The following SHLD1 variants were observed in gnomAD, a reference collection of about 807,000 sequenced individuals.
SHLD1 encodes shieldin complex subunit 1.
Under a neutral mutation model 5.5 loss-of-function variants are expected in SHLD1, and 3 were observed. The ratio of observed to expected loss-of-function variants is 0.54; its 90% confidence interval spans 0.25 to 1.40. The LOEUF (loss-of-function observed/expected upper bound fraction) is 1.40. Among genes scored for constraint, SHLD1 ranks in the 40% most tolerant of loss-of-function variants. The pLI, the probability that SHLD1 is intolerant of heterozygous loss-of-function variation, is 0.15. For missense variants in SHLD1, 210 were observed against 244.4 expected (o/e 0.86, Z 0.94); for synonymous variants, 92 against 94.3 (o/e 0.98, Z 0.14).
At chr20:5,809,757 A>G (rs73073212) in intron 2 of SHLD1, among the ~76,000 whole-genome samples, 2,435 of 152,140 alleles carry the variant, frequency 0.016, 37 homozygotes, top group African/African-American at 0.029. Flanking sequence ...ATAGGATGCT[A>G]CTGACATATA....
Position 5,844,799 on chromosome 20 carries a change from A to ATATATATATTTT in SHLD1, c.179-18224_179-18223insATATATATTTTT, listed in dbSNP as rs1460082835. Among the ~76,000 whole-genome samples, 18 of 71,720 alleles carry ATATATATATTTT rather than the reference A, an allele frequency of 2.5e-4. No homozygotes were observed. The East Asian group carries it at 3.0e-3, about 12-fold the overall frequency. The allele number at this position is 71,720 out of a possible 152,430, so 47.1% of individuals were successfully genotyped here. A position where few individuals can be genotyped will look rare whatever the true frequency, so the allele number is the denominator to read the frequency against. On this transcript the variant is annotated intron_variant, in intron 2 of 2. Transcript: ENST00000303142. Reference sequence around the variant, plus strand: ...TATATATATATATATATATATATATATTTTTTTTTTTTTGAGACACAGTCT... The same window carrying ATATATATATTTT: ...TATATATATATATATATATATATATATATATATATTTTTTTTTTTTTTTTTGAGACACAGTCT...
intron 2 of SHLD1, among the ~76,000 whole-genome samples, chr20:5,790,969 G>A (rs935817303): frequency 4.0e-5 from 6 of 151,714 alleles, no homozygotes; most frequent in South Asian, 2.1e-4. Flanking sequence ...TTGAGACCAC[G>A]TTGGATGATA....
At chr20:5,818,080 T>TTTTTTTTAA (rs2087560789) in intron 2 of SHLD1, among the ~76,000 whole-genome samples, 2 of 151,196 alleles carry the variant, frequency 1.3e-5, no homozygotes, top group Non-Finnish European at 2.9e-5. Flanking sequence ...TTTTTCTTTC[T>TTTTTTTTAA]TTTTTTTATT....
chr20:5,832,522 C>G (rs117552491), intron 2 of SHLD1, among the ~76,000 whole-genome samples: 4,422 of 152,176 alleles, frequency 0.029, 118 homozygotes, highest in Admixed American at 0.067. Flanking sequence ...GGGTTGGTCT[C>G]AAACTCCTGG....
At position 5,844,627 on chromosome 20, in the gene SHLD1, C is replaced by T. The variant is rs544038325; in HGVS notation, c.179-18397C>T. ...CCTGCTGTGAGATGGGTAATGTTCA[C>T]TATGATTCATCCCTTCAACTCTAAT... On this transcript the variant is annotated intron_variant, in intron 2 of 2. Coordinates refer to ENST00000303142, the MANE Select transcript of SHLD1 (RefSeq NM_152504.4). Among the ~76,000 whole-genome samples, 5 of 152,142 alleles carry T rather than the reference C, an allele frequency of 3.3e-5. No homozygotes were observed. The South Asian group carries it at 1.0e-3, about 32-fold the overall frequency.
chr20:5,750,645 G>T (rs780977888), intron 1 of SHLD1, among the ~76,000 whole-genome samples, 166 bp downstream of exon 1: 1 of 152,122 alleles, frequency 6.6e-6, no homozygotes, highest in Non-Finnish European at 1.5e-5. Flanking sequence ...GGTGTCTGCA[G>T]CCTGTGCTTT....
At chr20:5,774,270 CATT>C (rs1985327887) in intron 2 of SHLD1, among the ~76,000 whole-genome samples, 1 of 152,092 alleles carries the variant, frequency 6.6e-6, no homozygotes, top group Admixed American at 6.6e-5. Context: ...AGAAAGAACT[CATT>C]GTGGGTACTA....
chr20:5,803,191 A>G (rs1450628752), intron 2 of SHLD1, among the ~76,000 whole-genome samples: 1 of 151,548 alleles, frequency 6.6e-6, no homozygotes, highest in Non-Finnish European at 1.5e-5. Flanking sequence ...TTTGAGACAA[A>G]GTTTTGCTCT....
chr20:5,800,987 G>T (rs2087285247), intron 2 of SHLD1, among the ~76,000 whole-genome samples: 1 of 151,756 alleles, frequency 6.6e-6, no homozygotes, highest in Admixed American at 6.6e-5. Flanking sequence ...AATTGAAGTT[G>T]TTTAAAAAAC....
At chr20:5,764,303 G>A (rs6053662) in intron 1 of SHLD1, among the ~76,000 whole-genome samples, 2,083 of 148,108 alleles carry the variant, frequency 0.014, 52 homozygotes, top group African/African-American at 0.05. Flanking sequence ...GCTAAAAAGT[G>A]ACAGCAGGGG....
At chr20:5,790,917 C>T (rs1686111495) in intron 2 of SHLD1, among the ~76,000 whole-genome samples, 1 of 152,154 alleles carries the variant, frequency 6.6e-6, no homozygotes, top group African/African-American at 2.4e-5. Context: ...ACTCCCAGCA[C>T]TTTGGGAGGC....
chr20:5,817,432 C>CTCTGTGTG (rs1473391202), intron 2 of SHLD1, among the ~76,000 whole-genome samples: 315 of 85,652 alleles, frequency 3.7e-3, no homozygotes, highest in Middle Eastern at 0.014. Flanking sequence ...CTCTCTCTCT[C>CTCTGTGTG]TGTGTGTGTG....
At chr20:5,829,968 A>G (rs2087708867) in intron 2 of SHLD1, among the ~76,000 whole-genome samples, 1 of 152,176 alleles carries the variant, frequency 6.6e-6, no homozygotes, top group South Asian at 2.1e-4. Context: ...GTCTTGGGTG[A>G]TAGAAGATCA....
At position 5,839,811 on chromosome 20, in the gene SHLD1, A is replaced by G. The variant is rs572435900; in HGVS notation, c.179-23213A>G. Reference sequence around the variant, plus strand: ...TTTAAGTATTCTTTTCATTTGTGCCATGGAACTAATGTGAGGAGCTGGCAG... The same window carrying G: ...TTTAAGTATTCTTTTCATTTGTGCCGTGGAACTAATGTGAGGAGCTGGCAG... On this transcript the variant is annotated intron_variant, in intron 2 of 2. Coordinates refer to ENST00000303142, the MANE Select transcript of SHLD1 (RefSeq NM_152504.4). Among the ~76,000 whole-genome samples, 4 of 152,194 alleles carry G rather than the reference A, an allele frequency of 2.6e-5. No homozygotes were observed. In the South Asian group the frequency reaches 8.3e-4, roughly 32 times the overall value.
intron 2 of SHLD1, among the ~76,000 whole-genome samples, chr20:5,811,793 C>G (rs1156910584): frequency 6.6e-6 from 1 of 151,778 alleles, no homozygotes; most frequent in African/African-American, 2.4e-5. Context: ...GAGGTCGAGG[C>G]TGCAGTGAGC....
intron 1 of SHLD1, among the ~76,000 whole-genome samples, chr20:5,772,546 A>T (rs1044985795): frequency 6.6e-6 from 1 of 152,208 alleles, no homozygotes; most frequent in Admixed American, 6.5e-5. Context: ...GATCAACTGA[A>T]ACTGCAGAGA....
chr20:5,848,583 GAAGA>G (rs1208963444), intron 2 of SHLD1, among the ~76,000 whole-genome samples: 4 of 152,190 alleles, frequency 2.6e-5, no homozygotes, highest in African/African-American at 9.7e-5. Context: ...TGTTTCATAA[GAAGA>G]AAGTTTTGAA....
At chr20:5,831,231 G>A (rs2087725507) in intron 2 of SHLD1, among the ~76,000 whole-genome samples, 1 of 152,144 alleles carries the variant, frequency 6.6e-6, no homozygotes, top group African/African-American at 2.4e-5. Flanking sequence ...AAAAGAAACT[G>A]TTGAGATACT....
At chr20:5,822,081 A>G (rs1028380457) in intron 2 of SHLD1, among the ~76,000 whole-genome samples, 26 of 152,204 alleles carry the variant, frequency 1.7e-4, no homozygotes, top group Non-Finnish European at 3.4e-4. Context: ...TTTATTAACT[A>G]AAAGTTCTTT....
Sources: allele counts gnomAD v4.1 joint callset (sites outside exome capture counted in the v4.1 genomes callset), GRCh38; gene constraint gnomAD v4.1.1; transcripts MANE v1.5; gene names NCBI Gene and HGNC (gene_info 2026-07-23, HGNC 2026-07-21).